SLMAP: variants seen among roughly 807,000 people sequenced by gnomAD.
The protein encoded by SLMAP is sarcolemma associated protein.
Under a neutral mutation model 128.8 loss-of-function variants are expected in SLMAP, and 44 were observed. The observed-to-expected ratio is 0.34, with a 90% CI of 0.27 to 0.44. The LOEUF (loss-of-function observed/expected upper bound fraction) is 0.44. Ranked by LOEUF, SLMAP falls within the 20% of genes least tolerant of loss-of-function variation. SLMAP has a pLI of 1.00. For missense variants in SLMAP, 787 were observed against 985.3 expected (o/e 0.80, Z 2.69); for synonymous variants, 327 against 348.8 (o/e 0.94, Z 0.70).
At chr3:57,797,018 AT>A (rs59415183) in intron 2 of SLMAP, among the ~76,000 whole-genome samples, 79 of 148,634 alleles carry the variant, frequency 5.3e-4, no homozygotes, top group African/African-American at 1.6e-3. Context: ...CGTCTCTATA[AT>A]TTTTTTTTTT....
In SLMAP at chr3:57,927,804, A is replaced by T. The variant is rs1184825033; in HGVS notation, c.*515A>T. 1 of 153,120 alleles carries T rather than the reference A, an allele frequency of 6.5e-6. No individual in the cohort carries two copies. Among genetic ancestry groups the T allele is most frequent in the African/African-American group, 2.4e-5 (1 of 41,458 alleles). 9.5% of individuals were successfully genotyped at this position (153,120 alleles called of 1,614,324 possible). ...AAACAACCAATACATACATGGGAAG[A>T]GAGGCCCTGTGTGCTCAGTGCCTAT... is the stretch of plus-strand genomic sequence containing the variant. On this transcript the variant is annotated 3_prime_UTR_variant, in exon 25 of 25. Transcript: ENST00000671191.
intron 2 of SLMAP, among the ~76,000 whole-genome samples, chr3:57,797,438 C>T (rs367585962): frequency 5.3e-5 from 8 of 149,584 alleles, no homozygotes; most frequent in East Asian, 2.0e-4. Flanking sequence ...GAGCTAAGAT[C>T]GCGCCATTGC....
At chr3:57,888,841 G>A (rs2153646725) in intron 14 of SLMAP, among the ~76,000 whole-genome samples, 1 of 152,230 alleles carries the variant, frequency 6.6e-6, no homozygotes, top group South Asian at 2.1e-4. Flanking sequence ...AGGACAGGTA[G>A]GACAGCTTAC....
intron 4 of SLMAP, among the ~76,000 whole-genome samples, chr3:57,842,485 GAATT>G (rs2093985749): frequency 6.6e-6 from 1 of 152,036 alleles, no homozygotes; most frequent in Non-Finnish European, 1.5e-5. Flanking sequence ...TAAGAGTTAA[GAATT>G]AAGGTTTTAG....
chr3:57,854,236 T>G (rs1413854347), intron 6 of SLMAP, among the ~76,000 whole-genome samples: 1 of 151,360 alleles, frequency 6.6e-6, no homozygotes, highest in Non-Finnish European at 1.5e-5. Context: ...AAGTGTTATA[T>G]AGTCAGAGAG....
At chr3:57,883,932 T>C (rs1336880307) in intron 14 of SLMAP, among the ~76,000 whole-genome samples, 1 of 137,098 alleles carries the variant, frequency 7.3e-6, no homozygotes, top group Non-Finnish European at 1.5e-5. Flanking sequence ...TTTTTTCTTT[T>C]CTTTCTTTTT....
At chr3:57,790,707 A>T (rs1042563587) in intron 2 of SLMAP, among the ~76,000 whole-genome samples, 5 of 152,224 alleles carry the variant, frequency 3.3e-5, no homozygotes, top group Non-Finnish European at 7.3e-5. Flanking sequence ...TAAGACTAAT[A>T]ATTCTCCTGA....
intron 14 of SLMAP, among the ~76,000 whole-genome samples, chr3:57,889,082 C>T (rs1251191878): frequency 4.6e-5 from 7 of 152,268 alleles, no homozygotes; most frequent in African/African-American, 7.2e-5. Flanking sequence ...GACAGGGTTT[C>T]ATCATGTTAG....
At chr3:57,847,352 G>T in intron 5 of SLMAP, 119 bp downstream of exon 5, 1 of 701,602 alleles carries the variant, frequency 1.4e-6, no homozygotes, top group Non-Finnish European at 2.5e-6. Flanking sequence ...TATGTAGAAT[G>T]CATATAGCTA....
chr3:57,804,843 TCTC>T (rs1449522777), intron 2 of SLMAP, among the ~76,000 whole-genome samples: 1 of 152,218 alleles, frequency 6.6e-6, no homozygotes, highest in Non-Finnish European at 1.5e-5. Flanking sequence ...TAAATGATCT[TCTC>T]CTATAGGTAG....
chr3:57,803,260 A>G (rs750090686), intron 2 of SLMAP, among the ~76,000 whole-genome samples: 11 of 152,214 alleles, frequency 7.2e-5, no homozygotes, highest in Non-Finnish European at 1.5e-4. Flanking sequence ...AAAAAAGGCC[A>G]TCAAGATTAT....
intron 2 of SLMAP, among the ~76,000 whole-genome samples, chr3:57,817,312 C>T (rs975528761): frequency 6.6e-6 from 1 of 152,066 alleles, no homozygotes; most frequent in Non-Finnish European, 1.5e-5. Flanking sequence ...TTTATTATTA[C>T]TGATAGTATT....
intron 22 of SLMAP, among the ~76,000 whole-genome samples, chr3:57,919,367 G>A (rs1169165889): frequency 1.4e-5 from 2 of 147,998 alleles, no homozygotes; most frequent in Non-Finnish European, 3.0e-5. Context: ...GGCAACAAGA[G>A]CAAAACTCCA....
At chr3:57,787,099 T>C (rs2084370180) in intron 2 of SLMAP, among the ~76,000 whole-genome samples, 1 of 152,194 alleles carries the variant, frequency 6.6e-6, no homozygotes, top group Admixed American at 6.5e-5. Flanking sequence ...AAAGCTGTTT[T>C]CCAGTCCCTT....
intron 6 of SLMAP, among the ~76,000 whole-genome samples, chr3:57,854,946 A>G (rs1459184949): frequency 1.3e-5 from 2 of 152,240 alleles, no homozygotes; most frequent in Non-Finnish European, 2.9e-5. Flanking sequence ...TTACACACCT[A>G]GGCTATATAG....
intron 4 of SLMAP, among the ~76,000 whole-genome samples, chr3:57,843,533 C>T (rs1416944060): frequency 6.6e-6 from 1 of 151,030 alleles, no homozygotes; most frequent in Non-Finnish European, 1.5e-5. Context: ...CTTGAACTCC[C>T]GAGCACAGGC....
At chr3:57,865,377 T>C in intron 13 of SLMAP, 85 bp downstream of exon 13, 2 of 522,368 alleles carry the variant, frequency 3.8e-6, no homozygotes, top group Non-Finnish European at 6.5e-6. Context: ...GGGTTTTAAG[T>C]GTTTGGAATG....
At chr3:57,873,803 G>A (rs939359028) in intron 14 of SLMAP, among the ~76,000 whole-genome samples, 9 of 152,110 alleles carry the variant, frequency 5.9e-5, no homozygotes, top group Non-Finnish European at 8.8e-5. Context: ...AGTGAGACCC[G>A]TTCCTATAAA....
At chr3:57,801,799 T>C (rs376310907) in intron 2 of SLMAP, among the ~76,000 whole-genome samples, 14 of 151,640 alleles carry the variant, frequency 9.2e-5, no homozygotes, top group African/African-American at 3.4e-4. Flanking sequence ...GCCAAACTAC[T>C]TTCCAGTAGT....
Sources: gnomAD v4.1 joint callset for allele counts (sites outside exome capture counted in the v4.1 genomes callset) on GRCh38, gnomAD v4.1.1 for gene constraint, MANE v1.5 for transcripts, NCBI Gene and HGNC (gene_info 2026-07-23, HGNC 2026-07-21) for gene names.